PMFBP1: variants seen among roughly 807,000 people sequenced by gnomAD.
PMFBP1 encodes the protein polyamine modulated factor 1 binding protein 1, also known as polyamine-modulated factor 1-binding protein 1.
PMFBP1 carries 131 observed loss-of-function variants against 137.8 expected under a neutral mutation model. That is an observed-to-expected ratio of 0.95 (90% CI 0.82 to 1.10). The LOEUF is 1.10. Ranked by LOEUF, PMFBP1 falls within the 50% of genes least tolerant of loss-of-function variation. The pLI is 0.00. For synonymous variants in PMFBP1, 490 were observed against 450.4 expected, an observed-to-expected ratio of 1.09 and a Z score of -1.11; for missense variants, 1,199 against 1,175.4, an observed-to-expected ratio of 1.02 and a Z score of -0.29.
At chr16:72,178,059 T>A (rs1170498586), upstream of PMFBP1, among the ~76,000 whole-genome samples, 1 of 152,058 alleles carries the variant, frequency 6.6e-6, no homozygotes, top group Non-Finnish European at 1.5e-5. Context: ...GCCTGGCTAA[T>A]TTTTGTATTT....
At chr16:72,220,084 T>C in the PMFBP1 span, among the ~76,000 whole-genome samples, 1 of 152,202 alleles carries the variant, frequency 6.6e-6, no homozygotes, top group Non-Finnish European at 1.5e-5. Flanking sequence ...CGTATGGCAG[T>C]TGGAAATGAA....
chr16:72,171,318 C>T (rs2043217860), intron 1 of PMFBP1, 50 bp from the exon 2 acceptor site: 1 of 1,286,698 alleles, frequency 7.8e-7, no homozygotes, highest in South Asian at 1.2e-5. Flanking sequence ...TGAGCCTCTG[C>T]CCTTTAAAGA....
At chr16:72,135,728 T>A (rs960828286) in intron 9 of PMFBP1, among the ~76,000 whole-genome samples, 1 of 149,818 alleles carries the variant, frequency 6.7e-6, no homozygotes, top group Admixed American at 6.8e-5. Flanking sequence ...ATAAGATATT[T>A]TTAATTTTTC....
At chr16:72,150,086 C>T (rs534457029) in intron 5 of PMFBP1, among the ~76,000 whole-genome samples, 11 of 152,262 alleles carry the variant, frequency 7.2e-5, no homozygotes, top group Admixed American at 5.9e-4. Context: ...TCAGGTGTTT[C>T]GACTTTTCTT....
At chr16:72,195,023 T>A in the PMFBP1 span, among the ~76,000 whole-genome samples, 1 of 152,204 alleles carries the variant, frequency 6.6e-6, no homozygotes, top group South Asian at 2.1e-4. Flanking sequence ...AATATGTGAT[T>A]TGAGACAACT....
At chr16:72,223,176 C>T in the PMFBP1 span, among the ~76,000 whole-genome samples, 2 of 152,200 alleles carry the variant, frequency 1.3e-5, no homozygotes, top group East Asian at 3.9e-4. Flanking sequence ...CCATCCTGCA[C>T]AAGGAAGAAA....
the PMFBP1 span, among the ~76,000 whole-genome samples, chr16:72,232,143 T>C: frequency 1.3e-5 from 2 of 152,176 alleles, no homozygotes; most frequent in African/African-American, 4.8e-5. Context: ...TTCACTGTAT[T>C]GTTTAGTGAT....
the PMFBP1 span, among the ~76,000 whole-genome samples, chr16:72,213,045 C>A: frequency 1.3e-5 from 2 of 152,186 alleles, no homozygotes; most frequent in Non-Finnish European, 2.9e-5. Flanking sequence ...GTATCTTTAG[C>A]TGACAGCACT....
chr16:72,240,378 C>T, the PMFBP1 span, among the ~76,000 whole-genome samples: 4 of 152,186 alleles, frequency 2.6e-5, no homozygotes, highest in Non-Finnish European at 5.9e-5. Context: ...GTGATTTTTG[C>T]AAGCAGCGCT....
intron 17 of PMFBP1, 121 bp downstream of exon 17, chr16:72,124,646 G>T: frequency 4.1e-6 from 5 of 1,220,468 alleles, no homozygotes; most frequent in Non-Finnish European, 5.8e-6. Context: ...AATGGAGGGG[G>T]TGACCTTTCC....
chr16:72,194,586 T>C, the PMFBP1 span, among the ~76,000 whole-genome samples: 1 of 152,190 alleles, frequency 6.6e-6, no homozygotes, highest in Admixed American at 6.5e-5. Context: ...CCTTAATGTT[T>C]TTAAATACAG....
At chr16:72,132,088 G>A (rs965679685) in intron 10 of PMFBP1, among the ~76,000 whole-genome samples, 3 of 152,094 alleles carry the variant, frequency 2.0e-5, no homozygotes, top group African/African-American at 4.8e-5. Flanking sequence ...CAAGTGATCC[G>A]CCCACCTTGG....
At chr16:72,231,123 G>A in the PMFBP1 span, among the ~76,000 whole-genome samples, 1 of 152,146 alleles carries the variant, frequency 6.6e-6, no homozygotes, top group Admixed American at 6.6e-5. Context: ...CAGAGATGAT[G>A]TGGGGGTAGC....
At chr16:72,239,718 C>T in the PMFBP1 span, among the ~76,000 whole-genome samples, 2 of 151,540 alleles carry the variant, frequency 1.3e-5, no homozygotes, top group Non-Finnish European at 2.9e-5. Flanking sequence ...ATGGTGAAAC[C>T]CCGTCTCTAC....
rs773422216 is a variant in PMFBP1 at position 72,150,629 on chromosome 16, T to A, written c.615A>T (p.Glu205Asp). ...LECQVKMLQG[E>D]LGGIMGQEPE... ...CTACCTGACCCATGATCCCGCCGAG[T>A]TCCCCCTGCAACATCTTCACTTGGC... Residue 205 changes from glutamate to aspartate, a missense_variant, in exon 5 of 21, where the codon GAA becomes GAT. Glu to Asp is a conservative substitution (Grantham distance 45, BLOSUM62 2). Transcript: ENST00000237353. The A allele has an allele frequency of 6.2e-7, 1 of 1,613,106 alleles. No homozygotes were observed. The highest frequency in any genetic ancestry group is 1.3e-5 in the African/African-American group (1 of 74,850).
At chr16:72,245,045 C>T in the PMFBP1 span, among the ~76,000 whole-genome samples, 2 of 152,210 alleles carry the variant, frequency 1.3e-5, no homozygotes, top group African/African-American at 2.4e-5. Context: ...CCTTACTCCC[C>T]GTGTAATCCT....
At chr16:72,134,889 T>C (rs1466215584) in intron 9 of PMFBP1, among the ~76,000 whole-genome samples, 2 of 152,178 alleles carry the variant, frequency 1.3e-5, no homozygotes, top group Non-Finnish European at 2.9e-5. Context: ...CAGTATTATA[T>C]ATTAATTTTG....
chr16:72,136,785 T>C lies in PMFBP1; in HGVS notation c.953A>G (p.Gln318Arg). 6.2e-7 allele frequency: 1 copy of C among 1,614,172 alleles called. No individual in the cohort carries two copies. Among genetic ancestry groups the C allele is most frequent in the Non-Finnish European group, 8.5e-7 (1 of 1,180,032 alleles). ...LKHLQEQKDS[Q>R]CLHVEEYQNL... Reference sequence around the variant, plus strand: ...CTGGTACTCCTCCACATGCAGGCACTGGCTGTCTTTCTGCTCCTGCAAGTG... The same window carrying C: ...CTGGTACTCCTCCACATGCAGGCACCGGCTGTCTTTCTGCTCCTGCAAGTG... The change falls in exon 8 of 21, where the codon CAG becomes CGG. Residue 318 changes from glutamine (Q) to arginine (R), a missense_variant. Physicochemically the swap from Gln to Arg is conservative, Grantham distance 43 (BLOSUM62 1). Coordinates refer to ENST00000237353, the MANE Select transcript of PMFBP1 (RefSeq NM_031293.3).
At chr16:72,131,118 C>T (rs1006750819) in intron 10 of PMFBP1, among the ~76,000 whole-genome samples, 3 of 152,120 alleles carry the variant, frequency 2.0e-5, no homozygotes, top group Admixed American at 6.5e-5. Flanking sequence ...TGGGTTAGAA[C>T]GCTTGGAGAT....
Sources: allele counts gnomAD v4.1 joint callset (sites outside exome capture counted in the v4.1 genomes callset), GRCh38; gene constraint gnomAD v4.1.1; transcripts MANE v1.5; gene names NCBI Gene and HGNC (gene_info 2026-07-23, HGNC 2026-07-21).